TTLL1: variants seen among roughly 807,000 people sequenced by gnomAD.
TTLL1 encodes the protein polyglutamylase complex subunit TTLL1.
TTLL1 carries 33 observed loss-of-function variants against 47.8 expected under a neutral mutation model. That is an observed-to-expected ratio of 0.69 (90% confidence interval 0.52 to 0.92). The LOEUF is 0.92. Among genes scored for constraint, TTLL1 ranks in the 40% least tolerant of loss-of-function variants. TTLL1 has a pLI of 0.00. For missense variants in TTLL1, 488 were observed against 547.5 expected (o/e 0.89, Z 1.08); for synonymous variants, 225 against 214.1 (o/e 1.05, Z -0.45).
chr22:43,039,735 C>A lies in TTLL1; in HGVS notation c.*41G>T, dbSNP rs998346054. The A allele has an allele frequency of 3.9e-6, 6 of 1,539,802 alleles. No homozygotes were observed. Among genetic ancestry groups the A allele is most frequent in the Non-Finnish European group, 4.4e-6 (5 of 1,139,086 alleles). Reference sequence around the variant, plus strand: ...TTTCAAAATAGGGCTTCAGCAGGGGCCCAGGTGGAGTGAGTAGTTTTGATA... The same window carrying A: ...TTTCAAAATAGGGCTTCAGCAGGGGACCAGGTGGAGTGAGTAGTTTTGATA... On this transcript the variant is annotated 3_prime_UTR_variant, in exon 11 of 11. Transcript: ENST00000266254.
intron 5 of TTLL1, among the ~76,000 whole-genome samples, chr22:43,067,694 G>A (rs1333436322): frequency 6.6e-6 from 1 of 152,078 alleles, no homozygotes; most frequent in South Asian, 2.1e-4. Flanking sequence ...GAACAGGCCA[G>A]GAACAGTGAA....
intron 1 of TTLL1, among the ~76,000 whole-genome samples, chr22:43,088,316 G>T (rs1424277809): frequency 1.4e-5 from 2 of 140,182 alleles, no homozygotes; most frequent in African/African-American, 5.8e-5. Flanking sequence ...GGGCAGAGAA[G>T]GGCCCATCTT....
rs546041019 is a variant in TTLL1, at chr22:43,046,951, G to A, written c.979-378C>T. ...CTCCCAAAGTGCTGGTATTACAGGC[G>A]TGAGCCACCACACCTGGAAAATGGT... On this transcript the variant is annotated intron_variant, in intron 9 of 10. Coordinates refer to ENST00000266254, the MANE Select transcript of TTLL1 (RefSeq NM_012263.5). Among the ~76,000 whole-genome samples, 12 of 152,210 alleles carry A rather than the reference G, an allele frequency of 7.9e-5. No homozygotes were observed. The South Asian group carries it at 8.3e-4, about 11-fold the overall frequency.
At chr22:43,050,844 G>A (rs1284070856) in intron 9 of TTLL1, among the ~76,000 whole-genome samples, 1 of 152,130 alleles carries the variant, frequency 6.6e-6, no homozygotes, top group Non-Finnish European at 1.5e-5. Context: ...TGTTTAACAT[G>A]GAGGACAAGA....
intron 3 of TTLL1, among the ~76,000 whole-genome samples, chr22:43,074,443 AAAAGAAAG>A (rs1044472358): frequency 6.0e-5 from 9 of 150,780 alleles, no homozygotes; most frequent in Non-Finnish European, 1.0e-4. Context: ...AAAAAAAAAA[AAAAGAAAG>A]AAAGAAAGAA....
chr22:43,052,156 A>T, intron 8 of TTLL1: 1 of 449,018 alleles, frequency 2.2e-6, no homozygotes, highest in African/African-American at 2.0e-5. Context: ...CTAGCACCCA[A>T]CCCCTCTGTT....
intron 8 of TTLL1, among the ~76,000 whole-genome samples, chr22:43,056,766 CAGAG>C (rs1045901285): frequency 6.6e-6 from 1 of 151,908 alleles, no homozygotes; most frequent in Non-Finnish European, 1.5e-5. Context: ...GCCTGGGTGA[CAGAG>C]AGAGACTCCA....
At chr22:43,072,406 G>A (rs934896090) in intron 3 of TTLL1, among the ~76,000 whole-genome samples, 2 of 151,870 alleles carry the variant, frequency 1.3e-5, no homozygotes, top group Non-Finnish European at 2.9e-5. Context: ...CGCCCATCTC[G>A]GCCTCCCAAA....
At chr22:43,051,926 C>T (rs376223859) in intron 8 of TTLL1, 39 bp from the exon 9 acceptor site, 119 of 1,600,564 alleles carry the variant, frequency 7.4e-5, no homozygotes, top group Non-Finnish European at 3.5e-5. Context: ...TGGCCAGCAT[C>T]GAAGGGCGCA....
intron 8 of TTLL1, among the ~76,000 whole-genome samples, chr22:43,057,949 T>C (rs887706118): frequency 1.7e-5 from 2 of 118,496 alleles, no homozygotes; most frequent in African/African-American, 3.7e-5. Flanking sequence ...TATATATATA[T>C]ATATTTTTTT....
chr22:43,076,305 A>C (rs148289768), intron 2 of TTLL1, among the ~76,000 whole-genome samples: 3,567 of 151,996 alleles, frequency 0.023, 72 homozygotes, highest in Non-Finnish European at 0.033. Flanking sequence ...AAAATACAAA[A>C]ATTAGCCGGG....
intron 7 of TTLL1, among the ~76,000 whole-genome samples, chr22:43,061,283 C>T (rs541930287): frequency 2.0e-5 from 3 of 152,146 alleles, no homozygotes; most frequent in African/African-American, 4.8e-5. Flanking sequence ...GAAGGGGAAG[C>T]GAGTTAGGCC....
chr22:43,046,373 C>A (rs1463913295), intron 10 of TTLL1, 37 bp downstream of exon 10: 2 of 1,607,084 alleles, frequency 1.2e-6, no homozygotes, highest in Non-Finnish European at 1.7e-6. Context: ...CATTCGGAAA[C>A]ACAGAAGGAC....
At chr22:43,081,062 C>A (rs981097429) in intron 1 of TTLL1, among the ~76,000 whole-genome samples, 1 of 151,428 alleles carries the variant, frequency 6.6e-6, no homozygotes, top group African/African-American at 2.4e-5. Context: ...ATTACAGGAG[C>A]CCATCACCAC....
At chr22:43,082,629 T>C (rs1382185971) in intron 1 of TTLL1, among the ~76,000 whole-genome samples, 1 of 151,274 alleles carries the variant, frequency 6.6e-6, no homozygotes, top group African/African-American at 2.4e-5. Flanking sequence ...GGCAGGAGAA[T>C]TGCTTGAACC....
intron 5 of TTLL1, among the ~76,000 whole-genome samples, chr22:43,067,769 T>C (rs1309348585): frequency 6.6e-6 from 1 of 151,650 alleles, no homozygotes; most frequent in East Asian, 2.0e-4. Context: ...GTCAGGAGTT[T>C]GAGACCAGCC....
rs1167618669 is a variant in TTLL1, at chr22:43,088,324, C to CTTTTTTTTTTTTTTTT, written c.-90+937_-90+952dup. Among the ~76,000 whole-genome samples the CTTTTTTTTTTTTTTTT allele has an allele frequency of 7.1e-5, 4 of 56,468 alleles. 1 individual carries two copies. Among genetic ancestry groups the CTTTTTTTTTTTTTTTT allele is most frequent in the African/African-American group, 2.9e-4 (4 of 13,658 alleles). The allele number at this position is 56,468 out of a possible 152,430, so 37.0% of individuals were successfully genotyped here. ...AATTTGAGGGCAGAGAAGGGCCCATCTTTTTTTTTTTTTTTTTTTTTTTTT... is the reference window on the plus strand; with the variant it reads ...AATTTGAGGGCAGAGAAGGGCCCATCTTTTTTTTTTTTTTTTTTTTTTTTTTTTTTTTTTTTTTTTT... On this transcript the variant is annotated intron_variant, in intron 1 of 10. Transcript: ENST00000266254.
At chr22:43,053,804 C>T (rs1298401714) in intron 8 of TTLL1, among the ~76,000 whole-genome samples, 1 of 152,200 alleles carries the variant, frequency 6.6e-6, no homozygotes. Context: ...GAAACTGAGG[C>T]CCAGAAGGAG....
rs1385176420 is a variant in TTLL1, at chr22:43,068,490, G to A, written c.423C>T (p.Gly141=). The A allele has an allele frequency of 1.9e-6, 3 of 1,581,690 alleles. No individual in the cohort carries two copies. Among genetic ancestry groups the A allele is most frequent in the African/African-American group, 1.3e-5 (1 of 74,486 alleles). ...GGAAGATGCCCTTTCCCTGGGCCTT[G>A]CCACAAGGCTTCATGATCCAGGTGC... is the stretch of plus-strand genomic sequence containing the variant. ...PSSTWIMKPC[G]KAQGKGIFLI... is the part of the protein sequence containing the mutation. The change falls in exon 5 of 11, where the codon GGC becomes GGT. Residue 141 remains glycine, a synonymous_variant. Transcript: ENST00000266254.
Sources: gnomAD v4.1 joint callset for allele counts (sites outside exome capture counted in the v4.1 genomes callset) on GRCh38, gnomAD v4.1.1 for gene constraint, MANE v1.5 for transcripts, NCBI Gene and HGNC (gene_info 2026-07-23, HGNC 2026-07-21) for gene names.